ZFYVE9: variants seen among roughly 807,000 people sequenced by gnomAD.
The protein encoded by ZFYVE9 is zinc finger FYVE-type containing 9.
A neutral mutation model predicts 126.7 loss-of-function variants in ZFYVE9; 43 were observed. That is an observed-to-expected ratio of 0.34 (90% CI 0.27 to 0.44). The LOEUF is 0.44. ZFYVE9 is among the 20% of genes least tolerant of loss of function. ZFYVE9 has a pLI of 1.00. For synonymous variants in ZFYVE9, 521 were observed against 597.4 expected, an observed-to-expected ratio of 0.87 and a Z score of 1.87; for missense variants, 1,476 against 1,697.0, an observed-to-expected ratio of 0.87 and a Z score of 2.29.
chr1:52,214,149 G>A (rs547927550), intron 1 of ZFYVE9, among the ~76,000 whole-genome samples: 15 of 152,240 alleles, frequency 9.9e-5, no homozygotes, highest in Admixed American at 3.3e-4. Context: ...AAATGTGGCC[G>A]GGCGCGGTGC....
At chr1:52,331,783 TTTTTA>T (rs1646343855) in intron 13 of ZFYVE9, among the ~76,000 whole-genome samples, 1 of 149,924 alleles carries the variant, frequency 6.7e-6, no homozygotes, top group South Asian at 2.1e-4. Context: ...CTTTTTTTTT[TTTTTA>T]TTTTTTTTTG....
chr1:52,287,379 C>T (rs1645872188), intron 10 of ZFYVE9, among the ~76,000 whole-genome samples: 1 of 152,148 alleles, frequency 6.6e-6, no homozygotes, highest in Non-Finnish European at 1.5e-5. Flanking sequence ...ACCCAAAATG[C>T]TGGGATTATA....
chr1:52,238,012 A>G lies in ZFYVE9; in HGVS notation c.595A>G (p.Ile199Val), dbSNP rs1572124633. The change falls in exon 4 of 19, where the codon ATA (isoleucine) becomes GTA (valine). Residue 199 changes from isoleucine (I) to valine (V), a missense_variant. Ile to Val is a conservative substitution (Grantham distance 29). Around this residue, in one of 2 missense-constraint regions of ZFYVE9, gnomAD observed 807 missense variants for 794.6 expected, o/e 1.02. Transcript: ENST00000287727. The part of the protein sequence containing the change: ...NRQTDQFSFS[I>V]NESTEKDMNS... ...ACAAACTGATCAATTTAGTTTTAGT[A>G]TAAATGAGTCCACTGAAAAAGATAT... The G allele has an allele frequency of 1.9e-6, 3 of 1,614,010 alleles. No homozygotes were observed. The highest frequency in any genetic ancestry group is 1.7e-6 in the Non-Finnish European group (2 of 1,179,946).
intron 2 of ZFYVE9, among the ~76,000 whole-genome samples, chr1:52,219,567 G>T (rs543177159): frequency 3.9e-5 from 6 of 151,918 alleles, no homozygotes; most frequent in Admixed American, 2.0e-4. Context: ...GGCTGGTGTC[G>T]GTGAATTGGG....
At chr1:52,204,649 C>T (rs936216651) in intron 1 of ZFYVE9, among the ~76,000 whole-genome samples, 1 of 152,134 alleles carries the variant, frequency 6.6e-6, no homozygotes, top group African/African-American at 2.4e-5. Flanking sequence ...ATCACTTGAA[C>T]CCAGGAGGTG....
At chr1:52,331,003 A>AT (rs2147868396) in intron 13 of ZFYVE9, among the ~76,000 whole-genome samples, 1 of 152,140 alleles carries the variant, frequency 6.6e-6, no homozygotes, top group African/African-American at 2.4e-5. Flanking sequence ...AGTAGCTGGA[A>AT]TTACAGGCAC....
rs528134806 is a variant in ZFYVE9 at position 52,295,791 on chromosome 1, T to C, written c.3251-104T>C. The C allele has an allele frequency of 2.1e-5, 19 of 909,278 alleles. No individual in the cohort carries two copies. In the East Asian group the frequency reaches 4.6e-4, roughly 22 times the overall value. 56.3% of individuals were successfully genotyped at this position (909,278 alleles called of 1,614,324 possible). A position where few individuals can be genotyped will look rare whatever the true frequency, so the allele number is the denominator to read the frequency against. The stretch of plus-strand genomic sequence containing the variant: ...GAGCCCAAAATTTGATATGTTCTAA[T>C]GAGCCATTATAATTATATTTTGAAA... On this transcript the variant is annotated intron_variant, in intron 11 of 18. Transcript: ENST00000287727.
At chr1:52,294,502 T>C (rs1184771818) in intron 11 of ZFYVE9, among the ~76,000 whole-genome samples, 1 of 152,236 alleles carries the variant, frequency 6.6e-6, no homozygotes, top group Non-Finnish European at 1.5e-5. Flanking sequence ...AGGCCTCCCA[T>C]ATATCCTGAA....
intron 4 of ZFYVE9, among the ~76,000 whole-genome samples, chr1:52,241,429 A>C (rs1410298059): frequency 6.6e-6 from 1 of 152,222 alleles, no homozygotes; most frequent in Non-Finnish European, 1.5e-5. Flanking sequence ...GATTAGGTTC[A>C]TCATTTTTAT....
At chr1:52,274,997 C>G (rs1645731335) in intron 8 of ZFYVE9, among the ~76,000 whole-genome samples, 1 of 152,090 alleles carries the variant, frequency 6.6e-6, no homozygotes, top group Non-Finnish European at 1.5e-5. Context: ...ATTTAAATGG[C>G]AGTTTTACTG....
intron 1 of ZFYVE9, among the ~76,000 whole-genome samples, chr1:52,183,930 G>A (rs1442185245): frequency 6.7e-6 from 1 of 148,204 alleles, no homozygotes; most frequent in Non-Finnish European, 1.5e-5. Flanking sequence ...TCCTGACCTT[G>A]TGATCCACCC....
At chr1:52,279,776 T>G (rs947395682) in intron 9 of ZFYVE9, among the ~76,000 whole-genome samples, 5 of 152,164 alleles carry the variant, frequency 3.3e-5, no homozygotes, top group Admixed American at 6.5e-5. Context: ...CTAGTAATTT[T>G]GAGAATTATT....
intron 1 of ZFYVE9, among the ~76,000 whole-genome samples, chr1:52,179,187 G>T (rs1324331362): frequency 1.3e-5 from 2 of 152,284 alleles, no homozygotes; most frequent in East Asian, 1.9e-4. Flanking sequence ...ATGATTGAGT[G>T]TATCATTCAG....
At chr1:52,225,096 A>G (rs1340068178) in intron 2 of ZFYVE9, among the ~76,000 whole-genome samples, 1 of 152,126 alleles carries the variant, frequency 6.6e-6, no homozygotes, top group African/African-American at 2.4e-5. Flanking sequence ...CTTTCAACCT[A>G]CAGAGATCCC....
At chr1:52,312,601 C>T (rs748961027) in intron 13 of ZFYVE9, among the ~76,000 whole-genome samples, 1 of 152,258 alleles carries the variant, frequency 6.6e-6, no homozygotes, top group East Asian at 1.9e-4. Flanking sequence ...AGGAGCTGTC[C>T]TGGCTTAGAA....
intron 1 of ZFYVE9, among the ~76,000 whole-genome samples, chr1:52,194,177 T>C (rs923972502): frequency 1.3e-4 from 20 of 152,132 alleles, no homozygotes; most frequent in African/African-American, 4.8e-4. Flanking sequence ...AAACAAGTTA[T>C]AGAGCCTTCC....
intron 4 of ZFYVE9, among the ~76,000 whole-genome samples, chr1:52,250,656 T>TA (rs1645435137): frequency 1.3e-5 from 2 of 152,216 alleles, no homozygotes; most frequent in South Asian, 4.2e-4. Flanking sequence ...GTTAAATAGA[T>TA]ATGGCAAAAG....
At chr1:52,322,405 A>C (rs1646249748) in intron 13 of ZFYVE9, among the ~76,000 whole-genome samples, 4 of 139,774 alleles carry the variant, frequency 2.9e-5, no homozygotes, top group Admixed American at 1.5e-4. Flanking sequence ...TTTGAGACAG[A>C]GTCTCGCTGT....
At chr1:52,167,708 T>TC (rs1313297961) in intron 1 of ZFYVE9, among the ~76,000 whole-genome samples, 1 of 152,026 alleles carries the variant, frequency 6.6e-6, no homozygotes, top group Non-Finnish European at 1.5e-5. Context: ...GTGAAGCCAA[T>TC]CAAGAGTACA....
Sources: allele counts gnomAD v4.1 joint callset (sites outside exome capture counted in the v4.1 genomes callset), GRCh38; gene constraint gnomAD v4.1.1; regional missense constraint gnomAD v4.1.1; transcripts MANE v1.5; gene names NCBI Gene and HGNC (gene_info 2026-07-23, HGNC 2026-07-21).